The following LINGO2 variants were observed in gnomAD, a reference collection of about 807,000 sequenced individuals.
LINGO2 encodes the protein leucine rich repeat and Ig domain containing 2.
In LINGO2, 14 loss-of-function variants were observed where a neutral mutation model predicts 30.6. That is an observed-to-expected ratio of 0.46 (90% CI 0.30 to 0.72). The LOEUF is 0.72. LINGO2 is among the 30% of genes least tolerant of loss of function. The pLI is 0.07. For missense variants in LINGO2, 729 were observed against 751.7 expected (o/e 0.97, Z 0.35); for synonymous variants, 317 against 288.5 (o/e 1.10, Z -1.00).
intron 4 of LINGO2, among the ~76,000 whole-genome samples, chr9:28,268,912 G>A (rs1444160602): frequency 6.6e-6 from 1 of 152,050 alleles, no homozygotes; most frequent in Non-Finnish European, 1.5e-5. Context: ...TACAAGTCTT[G>A]AGAGATTTTT....
chr9:28,337,863 GC>G (rs1028396354), intron 3 of LINGO2, among the ~76,000 whole-genome samples: 1 of 152,050 alleles, frequency 6.6e-6, no homozygotes, highest in African/African-American at 2.4e-5. Flanking sequence ...GAAGTTTGCT[GC>G]AGGGGTGGGG....
intron 2 of LINGO2, among the ~76,000 whole-genome samples, chr9:28,388,040 T>C (rs1167595852): frequency 1.3e-5 from 2 of 152,120 alleles, no homozygotes; most frequent in East Asian, 1.9e-4. Context: ...ATTACTGAGA[T>C]CAGCCATTAC....
chr9:29,100,604 A>T, the LINGO2 span, among the ~76,000 whole-genome samples: 24,210 of 151,808 alleles, frequency 0.16, 2,041 homozygotes, highest in East Asian at 0.33. Flanking sequence ...CAAAAAAAAA[A>T]AGCTACAAAA....
intron 3 of LINGO2, among the ~76,000 whole-genome samples, chr9:28,315,254 A>G (rs891368395): frequency 1.9e-4 from 29 of 151,650 alleles, no homozygotes; most frequent in Non-Finnish European, 1.6e-4. Flanking sequence ...AATACCAAAA[A>G]TTTAGCCCGA....
the LINGO2 span, among the ~76,000 whole-genome samples, chr9:28,728,213 A>G: frequency 2.0e-5 from 3 of 152,170 alleles, no homozygotes; most frequent in Non-Finnish European, 4.4e-5. Flanking sequence ...CCTCTGGCAC[A>G]GGAAAGAAGG....
chr9:28,564,974 A>T (rs1272434240), intron 1 of LINGO2, among the ~76,000 whole-genome samples: 4 of 151,980 alleles, frequency 2.6e-5, no homozygotes, highest in Admixed American at 1.3e-4. Context: ...GATACATGTT[A>T]TTCCCTTAAA....
the LINGO2 span, among the ~76,000 whole-genome samples, chr9:28,877,217 T>A: frequency 6.6e-6 from 1 of 151,764 alleles, no homozygotes; most frequent in Non-Finnish European, 1.5e-5. Flanking sequence ...TTCACTCTGA[T>A]GGTAGTTTCT....
intron 4 of LINGO2, among the ~76,000 whole-genome samples, chr9:28,042,294 C>CA (rs914455561): frequency 2.6e-5 from 4 of 152,310 alleles, no homozygotes; most frequent in East Asian, 1.9e-4. Flanking sequence ...CCATGACTAT[C>CA]ACCCCTACAA....
chr9:29,177,558 T>A, the LINGO2 span, among the ~76,000 whole-genome samples: 1 of 152,154 alleles, frequency 6.6e-6, no homozygotes, highest in African/African-American at 2.4e-5. Flanking sequence ...AACATGGATA[T>A]GTCCCCAGAG....
intron 4 of LINGO2, among the ~76,000 whole-genome samples, chr9:28,016,682 TAAAAA>T (rs72138034): frequency 8.7e-6 from 1 of 115,330 alleles, no homozygotes; most frequent in Non-Finnish European, 1.8e-5. Flanking sequence ...ATTAAACCAG[TAAAAA>T]AAAAAAAAAA....
the LINGO2 span, among the ~76,000 whole-genome samples, chr9:28,883,628 G>GTGTGTATGTATGTATA: frequency 9.3e-5 from 6 of 64,180 alleles, no homozygotes; most frequent in Non-Finnish European, 1.8e-4. Flanking sequence ...ATGTGTGTGT[G>GTGTGTATGTATGTATA]TATATATATA....
chr9:28,304,923 GTCTT>G (rs1824287291), intron 3 of LINGO2, among the ~76,000 whole-genome samples: 1 of 151,974 alleles, frequency 6.6e-6, no homozygotes, highest in Admixed American at 6.6e-5. Flanking sequence ...AAGATGTAAA[GTCTT>G]TATCAGTTAT....
downstream of LINGO2, among the ~76,000 whole-genome samples, chr9:27,946,219 A>T (rs1192814298): frequency 1.3e-5 from 2 of 152,116 alleles, no homozygotes; most frequent in Non-Finnish European, 2.9e-5. Flanking sequence ...CAGAGGATTT[A>T]TTAGGCTCAT....
the LINGO2 span, among the ~76,000 whole-genome samples, chr9:29,149,014 T>C: frequency 6.6e-6 from 1 of 152,148 alleles, no homozygotes; most frequent in East Asian, 1.9e-4. Context: ...TTTCAGGAAG[T>C]TGAGTGTTAT....
the LINGO2 span, among the ~76,000 whole-genome samples, chr9:28,757,462 G>T: frequency 6.6e-6 from 1 of 151,946 alleles, no homozygotes; most frequent in African/African-American, 2.4e-5. Flanking sequence ...TTGTGGTTAT[G>T]CTACTTACCC....
the LINGO2 span, chr9:27,939,304 C>G: frequency 6.6e-6 from 1 of 152,204 alleles, no homozygotes; most frequent in African/African-American, 2.4e-5. Context: ...CAGTTACTTT[C>G]AGTTTCCGTG....
chr9:28,185,656 T>C (rs2133735848), intron 4 of LINGO2, among the ~76,000 whole-genome samples: 1 of 152,312 alleles, frequency 6.6e-6, no homozygotes, highest in East Asian at 1.9e-4. Context: ...TGCAAAAATA[T>C]AGTTCTTAGC....
At chr9:28,388,631 T>G (rs763538858) in intron 2 of LINGO2, among the ~76,000 whole-genome samples, 2 of 152,206 alleles carry the variant, frequency 1.3e-5, no homozygotes, top group South Asian at 4.1e-4. Flanking sequence ...TTTTAATATG[T>G]ATGTCCCTCG....
At chr9:28,608,118 G>T (rs1387408136) in intron 1 of LINGO2, among the ~76,000 whole-genome samples, 1 of 150,118 alleles carries the variant, frequency 6.7e-6, no homozygotes, top group Non-Finnish European at 1.5e-5. Flanking sequence ...TGTTTTCACA[G>T]ATTACACTTT....
Sources: allele counts gnomAD v4.1 joint callset (sites outside exome capture counted in the v4.1 genomes callset), GRCh38; gene constraint gnomAD v4.1.1; transcripts MANE v1.5; gene names NCBI Gene and HGNC (gene_info 2026-07-23, HGNC 2026-07-21).